ADGRG1: variants seen among roughly 807,000 people sequenced by gnomAD.
ADGRG1 encodes adhesion G protein-coupled receptor G1.
A neutral mutation model predicts 73.5 loss-of-function variants in ADGRG1; 53 were observed. The ratio of observed to expected loss-of-function variants is 0.72; its 90% confidence interval spans 0.58 to 0.91. The LOEUF (loss-of-function observed/expected upper bound fraction) is 0.91. Among genes scored for constraint, ADGRG1 ranks in the 40% least tolerant of loss-of-function variants. ADGRG1 has a pLI of 0.00. For missense variants in ADGRG1, 795 were observed against 871.8 expected, an observed-to-expected ratio of 0.91 and a Z score of 1.11; for synonymous variants, 394 against 374.4, an observed-to-expected ratio of 1.05 and a Z score of -0.60.
At chr16:57,660,265 C>T (rs546206493) in intron 11 of ADGRG1, 3 of 985,244 alleles carry the variant, frequency 3.0e-6, no homozygotes, top group Non-Finnish European at 3.6e-6. Flanking sequence ...GCGGGTTTGT[C>T]ATTGGGCCCC....
intron 1 of ADGRG1, chr16:57,646,761 C>T (rs2148031578): frequency 1.1e-6 from 1 of 932,260 alleles, no homozygotes; most frequent in East Asian, 1.2e-4. Flanking sequence ...GCCTCAGTGT[C>T]CGCATCTGTA....
intron 1 of ADGRG1, chr16:57,636,705 G>A (rs998420355): frequency 1.0e-6 from 1 of 985,026 alleles, no homozygotes; most frequent in Admixed American, 6.2e-5. Flanking sequence ...TAGAGTCCCA[G>A]CTCCGTCTCA....
At chr16:57,631,125 A>T (rs1486304652) in intron 1 of ADGRG1, 1 of 985,520 alleles carries the variant, frequency 1.0e-6, no homozygotes, top group Non-Finnish European at 1.2e-6. Context: ...TTAAGGCTCA[A>T]GCTTGGGAGC....
At chr16:57,627,260 T>A (rs1439525421), upstream of ADGRG1, 1 of 176,618 alleles carries the variant, frequency 5.7e-6, no homozygotes. Flanking sequence ...GGGAAGCTTT[T>A]CCTGGCCCCC....
intron 1 of ADGRG1, chr16:57,633,044 C>A: frequency 1.3e-6 from 1 of 756,172 alleles, no homozygotes; most frequent in Non-Finnish European, 1.6e-6. Context: ...GTACCCCCAG[C>A]CTGGATGCTC....
rs2042445722 is a variant in ADGRG1, at chr16:57,645,675, C to CT, written c.-35-4576dup. ...CTGCAGTATGTCCATCAACGGGATG[C>CT]TTGTTAAAGCCAAGCTCCCAAGCCC... On this transcript the variant is annotated intron_variant, in intron 1 of 13. Transcript: ENST00000562631. Among the ~76,000 whole-genome samples, 3 of 152,284 alleles carry CT rather than the reference C, an allele frequency of 2.0e-5. No individual in the cohort carries two copies. In the South Asian group the frequency reaches 6.2e-4, roughly 32 times the overall value.
chr16:57,624,099 A>G (rs1253333236), upstream of ADGRG1: 9 of 558,264 alleles, frequency 1.6e-5, no homozygotes, highest in African/African-American at 1.8e-4. Context: ...GTTGGCCAAG[A>G]TTTATTGAGC....
chr16:57,650,404 C>G, intron 2 of ADGRG1, 53 bp downstream of exon 2: 2 of 1,610,634 alleles, frequency 1.2e-6, no homozygotes, highest in Middle Eastern at 1.7e-4. Context: ...TAAAATGCCC[C>G]TGTGCCTAGG....
chr16:57,647,113 AGGG>A (rs1201316365), intron 1 of ADGRG1: 3 of 985,352 alleles, frequency 3.0e-6, no homozygotes, highest in Non-Finnish European at 3.6e-6. Context: ...GCAGACCTGG[AGGG>A]GTGGCATAGG....
rs1269653313 is a variant in ADGRG1 at position 57,634,191 on chromosome 16, C to T, written c.-36+5389C>T. ...AGCTAGGCTGAGCAGCTGACCCCTT[C>T]TGGGTCCTTGGCTGAGTCTGGGCCT... On this transcript the variant is annotated intron_variant, in intron 1 of 13. Transcript: ENST00000562631. 3 of 985,346 alleles carry T rather than the reference C, an allele frequency of 3.0e-6. No individual in the cohort carries two copies. In the African/African-American group the frequency reaches 5.2e-5, roughly 17 times the overall value. 61.0% of individuals were successfully genotyped at this position (985,346 alleles called of 1,614,324 possible).
At position 57,628,688 on chromosome 16, in the gene ADGRG1, C is replaced by T. The variant is rs1294123682; in HGVS notation, c.-150C>T. On this transcript the variant is annotated 5_prime_UTR_variant, in exon 1 of 14. Transcript: ENST00000562631. The stretch of plus-strand genomic sequence containing the variant: ...ATGGGCTGGGAGCCTCCCACGCTCT[C>T]CAGCTCACTCGGCAGGCAGCGGGGA... The T allele has an allele frequency of 1.0e-6, 1 of 985,414 alleles. No individual in the cohort carries two copies. The highest frequency in any genetic ancestry group is 1.7e-5 in the African/African-American group (1 of 57,266). 61.0% of individuals were successfully genotyped at this position (985,414 alleles called of 1,614,324 possible). A position where few individuals can be genotyped will look rare whatever the true frequency, so the allele number is the denominator to read the frequency against.
rs1433790310 is a variant in ADGRG1, at chr16:57,633,691, CTG to C, written c.-36+4891_-36+4892del. Among the ~76,000 whole-genome samples the C allele has an allele frequency of 2.0e-5, 3 of 152,200 alleles. No homozygotes were observed. In the East Asian group the frequency reaches 5.8e-4, roughly 29 times the overall value. ...CATCCTGAGAGGATTAAGTGAGCCT[CTG>C]TATTTTAAGTGCTGAGTGCAGGGCT... is the stretch of plus-strand genomic sequence containing the variant. On this transcript the variant is annotated intron_variant, in intron 1 of 13. Coordinates refer to ENST00000562631, the MANE Select transcript of ADGRG1 (RefSeq NM_201525.4).
chr16:57,659,691 T>G lies in ADGRG1; in HGVS notation c.1555+10T>G. 2 of 1,613,334 alleles carry G rather than the reference T, an allele frequency of 1.2e-6. No homozygotes were observed. The highest frequency in any genetic ancestry group is 1.7e-6 in the Non-Finnish European group (2 of 1,179,840). On this transcript the variant is annotated intron_variant, in intron 11 of 13. Transcript: ENST00000562631. The stretch of plus-strand genomic sequence containing the variant: ...AGCGCCATGGGCTGGGGTAAGTGGT[T>G]GGGCGGGGGGTGCCTCAGACCTGCC...
chr16:57,657,122 G>A (rs574506993), intron 9 of ADGRG1, among the ~76,000 whole-genome samples: 3 of 152,264 alleles, frequency 2.0e-5, no homozygotes, highest in Admixed American at 2.0e-4. Context: ...TGCCAGGACA[G>A]AATAGGGGTT....
Position 57,655,441 on chromosome 16 carries a change from CG to C in ADGRG1, c.812del (p.Arg271GlnfsTer52). ...CATGGAGTACTCGGTGCTGCTGCCT[CG>C]AACACTCTTCCAGAGGACGAAAGGC... ...EIMEYSVLLP[R>X]TLFQRTKGRS... On this transcript the variant is annotated frameshift_variant, in exon 6 of 14. Coordinates refer to ENST00000562631, the MANE Select transcript of ADGRG1 (RefSeq NM_201525.4). LOFTEE classifies it high-confidence loss of function. 6.2e-7 allele frequency: 1 copy of C among 1,613,750 alleles called. No individual in the cohort carries two copies.
At chr16:57,657,721 ATTTATT>A (rs779542921) in intron 10 of ADGRG1, among the ~76,000 whole-genome samples, 8 of 151,932 alleles carry the variant, frequency 5.3e-5, no homozygotes, top group African/African-American at 1.7e-4. Flanking sequence ...CATTGTATTT[ATTTATT>A]TTTATTTTTA....
intron 1 of ADGRG1, chr16:57,647,201 G>A (rs2042880202): frequency 1.0e-6 from 1 of 985,264 alleles, no homozygotes; most frequent in African/African-American, 1.7e-5. Flanking sequence ...CAACTTTCTT[G>A]TCCCCAGCCC....
chr16:57,630,061 A>G (rs1463487332), intron 1 of ADGRG1: 1 of 962,676 alleles, frequency 1.0e-6, no homozygotes, highest in Non-Finnish European at 1.2e-6. Context: ...TATTTATAGA[A>G]GCATTTATTG....
chr16:57,635,258 C>A (rs2039068237), intron 1 of ADGRG1: 13 of 985,260 alleles, frequency 1.3e-5, no homozygotes, highest in Non-Finnish European at 1.6e-5. Context: ...TCGTGCACAG[C>A]TTCCTCAAAG....
Sources: allele counts gnomAD v4.1 joint callset (sites outside exome capture counted in the v4.1 genomes callset), GRCh38; gene constraint gnomAD v4.1.1; transcripts MANE v1.5; gene names NCBI Gene and HGNC (gene_info 2026-07-23, HGNC 2026-07-21).